Variants in DNAJC13 observed in about 807,000 individuals in gnomAD.
DNAJC13 encodes DnaJ heat shock protein family (Hsp40) member C13.
Under a neutral mutation model 290.5 loss-of-function variants are expected in DNAJC13, and 75 were observed. The ratio of observed to expected loss-of-function variants is 0.26; its 90% CI spans 0.21 to 0.31. DNAJC13 has a LOEUF of 0.31. Ranked by LOEUF, DNAJC13 falls within the 10% of genes least tolerant of loss-of-function variation. The pLI, the probability that DNAJC13 is intolerant of heterozygous loss-of-function variation, is 1.00. For synonymous variants in DNAJC13, 862 were observed against 892.0 expected, an observed-to-expected ratio of 0.97 and a Z score of 0.60; for missense variants, 2,260 against 2,674.5, an observed-to-expected ratio of 0.85 and a Z score of 3.42.
Position 132,453,438 on chromosome 3 carries a change from C to T in DNAJC13, c.678C>T (p.Tyr226=), listed in dbSNP as rs751003080. 2 of 1,613,958 alleles carry T rather than the reference C, an allele frequency of 1.2e-6. No individual in the cohort carries two copies. Among genetic ancestry groups the T allele is most frequent in the South Asian group, 2.2e-5 (2 of 91,084 alleles). ...EQYLNLRFGK[Y]STDESITSLA... ...ATTTGAATCTTCGCTTTGGAAAATACAGCACTGATGAATCCATCACATCTT... is the reference window on the plus strand; with the variant it reads ...ATTTGAATCTTCGCTTTGGAAAATATAGCACTGATGAATCCATCACATCTT... The change falls in exon 7 of 56, where the codon TAC becomes TAT. Residue 226 remains tyrosine, a synonymous_variant. Coordinates refer to ENST00000260818, the MANE Select transcript of DNAJC13 (RefSeq NM_015268.4).
chr3:132,482,265 A>G lies in DNAJC13; in HGVS notation c.2914A>G (p.Ser972Gly). ...IEAAPDMKRE[S>G]EKEWYFGNAD... is the part of the protein sequence containing the mutation. Reference sequence around the variant, plus strand: ...AGCTGCTCCAGATATGAAAAGAGAGAGTGAAAAGGAATGGTATTTTGGCAA... The same window carrying G: ...AGCTGCTCCAGATATGAAAAGAGAGGGTGAAAAGGAATGGTATTTTGGCAA... Residue 972 changes from serine (S) to glycine (G), a missense_variant, in exon 27 of 56, where the codon AGT (serine) becomes GGT (glycine). By Grantham distance (56) the Ser-to-Gly change is moderately conservative. This residue lies in a region of DNAJC13 where 1,494 missense variants were observed against 1,693.7 expected (regional missense o/e 0.88). Transcript: ENST00000260818. 1 of 1,613,826 alleles carries G rather than the reference A, an allele frequency of 6.2e-7. No individual in the cohort carries two copies. Among genetic ancestry groups the G allele is most frequent in the Non-Finnish European group, 8.5e-7 (1 of 1,179,806 alleles).
At position 132,538,237 on chromosome 3, in the gene DNAJC13, A is replaced by G. The variant is rs1376230799; in HGVS notation, c.6687A>G (p.Pro2229=). The stretch of plus-strand genomic sequence containing the variant: ...CTACATCAGTCATGTCTAACCTGCC[A>G]CCTCCTGTAGACCATGAGGCAGGCG... ...GTSTSVMSNL[P]PPVDHEAGDL... The change falls in exon 56 of 56, where the codon CCA becomes CCG. Residue 2229 remains proline, a synonymous_variant. Coordinates refer to ENST00000260818, the MANE Select transcript of DNAJC13 (RefSeq NM_015268.4). 6.2e-7 allele frequency: 1 copy of G among 1,613,852 alleles called. No individual in the cohort carries two copies. Among genetic ancestry groups the G allele is most frequent in the Non-Finnish European group, 8.5e-7 (1 of 1,179,946 alleles).
intron 6 of DNAJC13, among the ~76,000 whole-genome samples, chr3:132,451,612 A>G (rs1344774379): frequency 6.6e-6 from 1 of 152,076 alleles, no homozygotes; most frequent in East Asian, 1.9e-4. Context: ...CCAAATGGAG[A>G]GACTCATTTG....
At chr3:132,507,117 T>C in intron 42 of DNAJC13, 120 bp from the exon 43 acceptor site, 1 of 629,626 alleles carries the variant, frequency 1.6e-6, no homozygotes. Flanking sequence ...GTGACATGTA[T>C]CACACCACAT....
chr3:132,466,152 G>T, intron 18 of DNAJC13, 82 bp downstream of exon 18: 1 of 1,436,140 alleles, frequency 7.0e-7, no homozygotes, highest in South Asian at 1.2e-5. Flanking sequence ...AAAGGGGATG[G>T]TTTGTTTTTT....
intron 48 of DNAJC13, among the ~76,000 whole-genome samples, 170 bp downstream of exon 48, chr3:132,516,986 A>T (rs1278105181): frequency 6.6e-6 from 1 of 152,248 alleles, no homozygotes; most frequent in Non-Finnish European, 1.5e-5. Flanking sequence ...TTACTGTTTG[A>T]GAAAACTAGA....
chr3:132,427,894 T>C (rs1288120572), intron 1 of DNAJC13, among the ~76,000 whole-genome samples: 1 of 152,202 alleles, frequency 6.6e-6, no homozygotes, highest in Non-Finnish European at 1.5e-5. Context: ...ATTCAGAAAC[T>C]TTTGTTCAAA....
chr3:132,518,271 T>A (rs1479260521), intron 48 of DNAJC13, among the ~76,000 whole-genome samples: 1 of 152,238 alleles, frequency 6.6e-6, no homozygotes, highest in Non-Finnish European at 1.5e-5. Flanking sequence ...TCAAGCTGAC[T>A]GTTTTTACAC....
chr3:132,486,722 T>C (rs1186494713), intron 29 of DNAJC13, among the ~76,000 whole-genome samples: 1 of 152,214 alleles, frequency 6.6e-6, no homozygotes, highest in East Asian at 1.9e-4. Flanking sequence ...GGGAATGTTA[T>C]CTTCATCGGT....
At chr3:132,466,512 A>G in intron 19 of DNAJC13, 118 bp downstream of exon 19, 2 of 672,342 alleles carry the variant, frequency 3.0e-6, no homozygotes, top group South Asian at 4.2e-5. Context: ...ATTGAATAGT[A>G]TACTTAACTA....
chr3:132,442,277 G>T (rs919527463), intron 2 of DNAJC13, among the ~76,000 whole-genome samples: 2 of 152,154 alleles, frequency 1.3e-5, no homozygotes, highest in Admixed American at 1.3e-4. Context: ...GATTACAGGC[G>T]TGAGCCACTG....
intron 2 of DNAJC13, among the ~76,000 whole-genome samples, chr3:132,434,849 TA>T (rs1576458175): frequency 6.6e-6 from 1 of 152,192 alleles, no homozygotes; most frequent in Non-Finnish European, 1.5e-5. Context: ...AAGTGACAGT[TA>T]AAAGGAAAGT....
intron 29 of DNAJC13, among the ~76,000 whole-genome samples, chr3:132,487,027 A>T (rs1211399193): frequency 6.6e-6 from 1 of 152,140 alleles, no homozygotes; most frequent in Non-Finnish European, 1.5e-5. Context: ...AACTACTGCC[A>T]TTAACACTAG....
chr3:132,537,987 ATAGTG>A (rs1465128811), intron 55 of DNAJC13, among the ~76,000 whole-genome samples, 184 bp from the exon 56 acceptor site: 1 of 152,256 alleles, frequency 6.6e-6, no homozygotes, highest in African/African-American at 2.4e-5. Flanking sequence ...TTTCTAGTCT[ATAGTG>A]TAGGCAAACA....
chr3:132,444,166 T>G (rs576915145), intron 2 of DNAJC13, among the ~76,000 whole-genome samples: 1 of 152,088 alleles, frequency 6.6e-6, no homozygotes, highest in East Asian at 1.9e-4. Context: ...GTGCTCCTTA[T>G]GAGAATCTAA....
At position 132,460,232 on chromosome 3, in the gene DNAJC13, T is replaced by C; in HGVS notation, c.1450-18T>C. 1 of 1,542,552 alleles carries C rather than the reference T, an allele frequency of 6.5e-7. No individual in the cohort carries two copies. On this transcript the variant is annotated intron_variant, in intron 13 of 55. Transcript: ENST00000260818. ...GACTGCTTATGAATTATCACTGTTT[T>C]TTTTTTTTCATCAATAGCCCATGCA... is the stretch of plus-strand genomic sequence containing the variant.
At chr3:132,527,841 A>T (rs1936305833) in intron 53 of DNAJC13, among the ~76,000 whole-genome samples, 1 of 152,212 alleles carries the variant, frequency 6.6e-6, no homozygotes, top group East Asian at 1.9e-4. Context: ...CTATTAATAC[A>T]GTGTTACTAG....
chr3:132,487,890 G>A (rs1223770953), intron 29 of DNAJC13, among the ~76,000 whole-genome samples: 1 of 151,994 alleles, frequency 6.6e-6, no homozygotes, highest in Non-Finnish European at 1.5e-5. Context: ...CTTTTAGGCT[G>A]TTTTATTGAT....
At chr3:132,429,269 A>G (rs1380302171) in intron 1 of DNAJC13, among the ~76,000 whole-genome samples, 2 of 152,152 alleles carry the variant, frequency 1.3e-5, no homozygotes, top group African/African-American at 4.8e-5. Flanking sequence ...TTTGCAGTCA[A>G]ATGATACATC....
Sources: allele counts gnomAD v4.1 joint callset (sites outside exome capture counted in the v4.1 genomes callset), GRCh38; gene constraint gnomAD v4.1.1; regional missense constraint gnomAD v4.1.1; transcripts MANE v1.5; gene names NCBI Gene and HGNC (gene_info 2026-07-23, HGNC 2026-07-21).